ZNF83: variants seen among roughly 807,000 people sequenced by gnomAD.
ZNF83 encodes zinc finger protein 83.
For missense variants in ZNF83, 552 were observed against 629.9 expected (o/e 0.88, Z 1.32); for synonymous variants, 209 against 213.0 (o/e 0.98, Z 0.17).
exon 2 of ZNF83, chr19:52,660,768 A>G: frequency 4.7e-6 from 1 of 213,356 alleles, no homozygotes. Context: ...TTACCTGAGG[A>G]AGAGCCATCC....
chr19:52,632,703 TGTC>T (rs2061012165), intron 2 of ZNF83, among the ~76,000 whole-genome samples: 1 of 152,222 alleles, frequency 6.6e-6, no homozygotes, highest in Non-Finnish European at 1.5e-5. Context: ...TAGTATTAGA[TGTC>T]GTAGTTCCTC....
At chr19:52,623,011 C>CAGGATCT (rs139403908) in intron 2 of ZNF83, among the ~76,000 whole-genome samples, 34,353 of 152,004 alleles carry the variant, frequency 0.23, 3,893 homozygotes, top group South Asian at 0.29. Flanking sequence ...CCTCCTCTCT[C>CAGGATCT]AGGATCTTGC....
At chr19:52,664,972 AC>A (rs1228211570) in intron 1 of ZNF83, among the ~76,000 whole-genome samples, 2 of 152,160 alleles carry the variant, frequency 1.3e-5, no homozygotes, top group Non-Finnish European at 2.9e-5. Context: ...AAAGTTCCTT[AC>A]TATTGAAATT....
At chr19:52,680,311 A>T (rs2061886236) in intron 1 of ZNF83, among the ~76,000 whole-genome samples, 2 of 152,158 alleles carry the variant, frequency 1.3e-5, no homozygotes, top group Admixed American at 1.3e-4. Context: ...GACTCTAGGT[A>T]CCTGTAGCTC....
At chr19:52,622,278 C>T (rs918222404) in intron 2 of ZNF83, among the ~76,000 whole-genome samples, 6 of 152,158 alleles carry the variant, frequency 3.9e-5, no homozygotes, top group African/African-American at 1.4e-4. Flanking sequence ...AGACCTTTCC[C>T]AAATTAATCA....
intron 1 of ZNF83, among the ~76,000 whole-genome samples, chr19:52,679,783 T>C (rs926088183): frequency 1.1e-4 from 16 of 152,156 alleles, no homozygotes; most frequent in Non-Finnish European, 7.4e-5. Flanking sequence ...TCTTCATGAA[T>C]TTTCTGTTTT....
At chr19:52,676,600 C>T (rs921553835) in intron 1 of ZNF83, among the ~76,000 whole-genome samples, 6 of 151,386 alleles carry the variant, frequency 4.0e-5, no homozygotes, top group Non-Finnish European at 8.9e-5. Flanking sequence ...GCCCCTCTGC[C>T]TGGCCACCAC....
chr19:52,653,215 C>T (rs1235323902), intron 3 of ZNF83: 3 of 1,532,368 alleles, frequency 2.0e-6, no homozygotes, highest in African/African-American at 2.7e-5. Flanking sequence ...GGTCTTGCCA[C>T]ACTCATTACA....
intron 1 of ZNF83, among the ~76,000 whole-genome samples, chr19:52,666,010 A>AC (rs1158407125): frequency 6.6e-6 from 1 of 151,634 alleles, no homozygotes; most frequent in Non-Finnish European, 1.5e-5. Flanking sequence ...TACAAAAAAA[A>AC]AAAATTAGCC....
chr19:52,620,270 C>CTCTGTGTGTGTG (rs1555780636), intron 2 of ZNF83, among the ~76,000 whole-genome samples: 1 of 144,432 alleles, frequency 6.9e-6, no homozygotes, highest in African/African-American at 2.6e-5. Context: ...GTGTATATCT[C>CTCTGTGTGTGTG]TGTGTGTGTG....
intron 3 of ZNF83, among the ~76,000 whole-genome samples, chr19:52,645,098 C>T (rs1178975252): frequency 6.6e-6 from 1 of 151,650 alleles, no homozygotes; most frequent in Non-Finnish European, 1.5e-5. Context: ...CCAGAATGGA[C>T]CAGAGGGCCT....
rs1249048911 is a variant in ZNF83 at position 52,687,423 on chromosome 19, A to T, written c.-283+3020T>A. ...ATATAGCTATATAAATTATAATATA[A>T]ATTATAATTTATATAGCTATATAAA... On this transcript the variant is annotated intron_variant, in intron 1 of 5. Transcript: ENST00000594682. 1.0e-3 allele frequency among the ~76,000 whole-genome samples: 46 copies of T among 46,212 alleles called. 4 individuals carry two copies. Among genetic ancestry groups the T allele is most frequent in the African/African-American group, 8.3e-3 (43 of 5,200 alleles). 30.3% of individuals were successfully genotyped at this position (46,212 alleles called of 152,430 possible).
At chr19:52,663,288 C>T (rs930602215) in intron 1 of ZNF83, among the ~76,000 whole-genome samples, 1 of 152,252 alleles carries the variant, frequency 6.6e-6, no homozygotes, top group South Asian at 2.1e-4. Context: ...AGAAAAATGA[C>T]AGTAATACGT....
intron 2 of ZNF83, among the ~76,000 whole-genome samples, chr19:52,632,594 A>G (rs574313671): frequency 2.9e-4 from 44 of 152,278 alleles, no homozygotes; most frequent in South Asian, 6.2e-4. Flanking sequence ...AGCACAGCTG[A>G]TATCTCCTAG....
chr19:52,627,346 G>A (rs2060781169), intron 2 of ZNF83, among the ~76,000 whole-genome samples: 1 of 150,042 alleles, frequency 6.7e-6, no homozygotes, highest in South Asian at 2.1e-4. Context: ...GAGGGTGGGA[G>A]GAAGGAGAGG....
intron 3 of ZNF83, among the ~76,000 whole-genome samples, chr19:52,647,924 GC>G (rs1484928820): frequency 6.7e-6 from 1 of 149,066 alleles, no homozygotes; most frequent in Non-Finnish European, 1.5e-5. Flanking sequence ...CCACTCTCTG[GC>G]ACCCTAGATT....
chr19:52,643,149 G>C (rs1056725919), upstream of ZNF83, among the ~76,000 whole-genome samples: 9 of 149,520 alleles, frequency 6.0e-5, no homozygotes, highest in African/African-American at 2.2e-4. Flanking sequence ...CTGCACTCCA[G>C]CTGGGCGACA....
intron 1 of ZNF83, among the ~76,000 whole-genome samples, chr19:52,669,276 T>C (rs2061692663): frequency 6.6e-6 from 1 of 152,162 alleles, no homozygotes. Context: ...CACGTCTATT[T>C]AGACACAATT....
At chr19:52,640,955 G>A (rs1395390609), upstream of ZNF83, among the ~76,000 whole-genome samples, 1 of 152,036 alleles carries the variant, frequency 6.6e-6, no homozygotes, top group African/African-American at 2.4e-5. Context: ...ATCAGAACTC[G>A]GAGGATTTAG....
Sources: allele counts gnomAD v4.1 joint callset (sites outside exome capture counted in the v4.1 genomes callset), GRCh38; gene constraint gnomAD v4.1.1; transcripts MANE v1.5; gene names NCBI Gene and HGNC (gene_info 2026-07-23, HGNC 2026-07-21).